Variants in C4orf17 observed in about 807,000 individuals in gnomAD.
The protein encoded by C4orf17 is uncharacterized protein C4orf17.
In C4orf17, 25 loss-of-function variants were observed where a neutral mutation model predicts 32.0. The observed-to-expected ratio is 0.78, with a 90% CI of 0.57 to 1.09. The LOEUF (loss-of-function observed/expected upper bound fraction) is 1.09. C4orf17 is among the 50% of genes least tolerant of loss of function. The pLI, the probability that C4orf17 is intolerant of heterozygous loss-of-function variation, is 0.00. For synonymous variants in C4orf17, 149 were observed against 145.8 expected (o/e 1.02, Z -0.16); for missense variants, 420 against 420.0 (o/e 1.00, Z 0.00).
chr4:99,517,691 G>A (rs1251010479), intron 2 of C4orf17, among the ~76,000 whole-genome samples: 1 of 152,146 alleles, frequency 6.6e-6, no homozygotes, highest in African/African-American at 2.4e-5. Flanking sequence ...GTCCCTCACA[G>A]CTCAGTCCTT....
intron 4 of C4orf17, 147 bp downstream of exon 4, chr4:99,524,732 C>T: frequency 1.8e-6 from 1 of 540,708 alleles, no homozygotes; most frequent in South Asian, 2.8e-5. Context: ...ATAAGATACA[C>T]ATATTCAAAA....
At chr4:99,513,814 G>T (rs1041938011) in intron 2 of C4orf17, among the ~76,000 whole-genome samples, 2 of 152,126 alleles carry the variant, frequency 1.3e-5, no homozygotes, top group African/African-American at 2.4e-5. Context: ...TTGGATTGAA[G>T]AATTTTAAAA....
chr4:99,540,324 C>A, intron 7 of C4orf17, 88 bp from the exon 8 acceptor site: 2 of 885,966 alleles, frequency 2.3e-6, no homozygotes, highest in Non-Finnish European at 3.7e-6. Flanking sequence ...GATACATATA[C>A]ACTGAACTTA....
At chr4:99,523,466 G>A (rs1455622455) in intron 3 of C4orf17, among the ~76,000 whole-genome samples, 1 of 152,150 alleles carries the variant, frequency 6.6e-6, no homozygotes, top group Non-Finnish European at 1.5e-5. Flanking sequence ...GACATATACT[G>A]TTCTAAAGTC....
chr4:99,525,300 G>GT (rs1259147275), intron 4 of C4orf17, among the ~76,000 whole-genome samples: 3 of 151,994 alleles, frequency 2.0e-5, no homozygotes, highest in Non-Finnish European at 4.4e-5. Context: ...CAGTGTATGA[G>GT]TTTTTTTTCC....
chr4:99,539,487 CAGTA>C (rs1411665864), intron 7 of C4orf17, 117 bp downstream of exon 7: 1 of 725,566 alleles, frequency 1.4e-6, no homozygotes, highest in African/African-American at 1.8e-5. Flanking sequence ...CCGCTTTATT[CAGTA>C]AGTGACTGCA....
chr4:99,537,072 C>A (rs375744783), intron 5 of C4orf17, among the ~76,000 whole-genome samples: 2 of 151,986 alleles, frequency 1.3e-5, no homozygotes, highest in Non-Finnish European at 2.9e-5. Flanking sequence ...ACCCAGATGG[C>A]CTTCTTGGGG....
chr4:99,539,159 C>T lies in C4orf17; in HGVS notation c.629-4C>T. 6.2e-7 allele frequency: 1 copy of T among 1,613,036 alleles called. No homozygotes were observed. The highest frequency in any genetic ancestry group is 8.5e-7 in the Non-Finnish European group (1 of 1,179,244). On this transcript the variant is annotated splice_region_variant and splice_polypyrimidine_tract_variant and intron_variant, in intron 6 of 8. Transcript: ENST00000326581. The stretch of plus-strand genomic sequence containing the variant: ...CTCCCACCCTTTTTTGTCTTTTAAA[C>T]CAGAAAAAGAGTGGGTCTCAGCTTT...
intron 1 of C4orf17, among the ~76,000 whole-genome samples, chr4:99,511,887 A>C (rs2110163388): frequency 6.6e-6 from 1 of 152,292 alleles, no homozygotes; most frequent in East Asian, 1.9e-4. Context: ...TAATGTCTAC[A>C]TATATTTTAC....
At chr4:99,539,904 T>G (rs1398894081) in intron 7 of C4orf17, among the ~76,000 whole-genome samples, 2 of 152,052 alleles carry the variant, frequency 1.3e-5, no homozygotes, top group African/African-American at 4.8e-5. Context: ...GCAGGAGAAA[T>G]TTTTCTTAAA....
At chr4:99,525,196 A>G (rs528366483) in intron 4 of C4orf17, among the ~76,000 whole-genome samples, 5 of 152,206 alleles carry the variant, frequency 3.3e-5, no homozygotes, top group Non-Finnish European at 7.3e-5. Context: ...CTATGAGTGA[A>G]ATAACTGTGT....
rs775366940 is a variant in C4orf17, at chr4:99,542,056, G to T, written c.1027G>T (p.Glu343Ter). 4 of 1,614,098 alleles carry T rather than the reference G, an allele frequency of 2.5e-6. No homozygotes were observed. The Admixed American group carries it at 6.7e-5, about 27-fold the overall frequency. The change falls in exon 9 of 9, where the codon GAA becomes TAA. Residue 343 changes from glutamate (E) to a stop codon, truncating the protein, a stop_gained. Transcript: ENST00000326581. LOFTEE classifies it low-confidence loss of function (END_TRUNC). ...ACCAGTGTCAGCAAGGAGTATACAA[G>T]AATACAACCTCTGTCCCCAAAGAGC... ...AKPVSARSIQ[E>*]YNLCPQRACY...
chr4:99,513,064 A>C lies in C4orf17; in HGVS notation c.-18A>C. ...TTTGTGACAACAGTGAAGAGGGGAA[A>C]ATAAACACACCACAAACATGAACCT... On this transcript the variant is annotated 5_prime_UTR_variant, in exon 2 of 9. Coordinates refer to ENST00000326581, the MANE Select transcript of C4orf17 (RefSeq NM_032149.3). 1 of 1,613,424 alleles carries C rather than the reference A, an allele frequency of 6.2e-7. No homozygotes were observed. Among genetic ancestry groups the C allele is most frequent in the Non-Finnish European group, 8.5e-7 (1 of 1,179,650 alleles).
chr4:99,518,544 T>TATAGAGAG (rs1393245676), intron 2 of C4orf17, among the ~76,000 whole-genome samples: 5 of 36,820 alleles, frequency 1.4e-4, no homozygotes, highest in African/African-American at 3.9e-4. Flanking sequence ...TATATATATA[T>TATAGAGAG]AGAGAGAGAG....
intron 1 of C4orf17, among the ~76,000 whole-genome samples, chr4:99,512,231 C>T (rs906696066): frequency 1.3e-5 from 2 of 152,122 alleles, no homozygotes; most frequent in Non-Finnish European, 2.9e-5. Context: ...AGAAAAAATA[C>T]AACAAGCACC....
intron 2 of C4orf17, among the ~76,000 whole-genome samples, chr4:99,515,658 C>G (rs1182348104): frequency 6.6e-6 from 1 of 151,726 alleles, no homozygotes; most frequent in African/African-American, 2.4e-5. Context: ...CACAAGTGTA[C>G]CTATCTATGT....
intron 8 of C4orf17, chr4:99,540,692 C>A (rs1723639075): frequency 2.4e-6 from 1 of 408,840 alleles, no homozygotes; most frequent in Non-Finnish European, 4.4e-6. Context: ...AGCAAGACAG[C>A]AGGACAACAG....
chr4:99,540,420 G>A lies in C4orf17; in HGVS notation c.845G>A (p.Ser282Asn), dbSNP rs916608387. Residue 282 changes from serine to asparagine, a missense_variant, in exon 8 of 9, where the codon AGT becomes AAT. By Grantham distance (46) the Ser-to-Asn change is conservative. Transcript: ENST00000326581. ...TEGDQPTRVS[S>N]QGSEENKEVP... ...TTCTCCAACTGATCTAGAGTGTCAA[G>A]TCAAGGATCTGAAGAAAACAAGGAA... 4 of 1,611,720 alleles carry A rather than the reference G, an allele frequency of 2.5e-6. No individual in the cohort carries two copies. Among genetic ancestry groups the A allele is most frequent in the Admixed American group, 3.3e-5 (2 of 59,920 alleles).
chr4:99,516,338 C>T (rs746381340), intron 2 of C4orf17, among the ~76,000 whole-genome samples: 1 of 152,126 alleles, frequency 6.6e-6, no homozygotes, highest in African/African-American at 2.4e-5. Flanking sequence ...TGCCCACAGT[C>T]CCAAACCTAG....
Sources: gnomAD v4.1 joint callset for allele counts (sites outside exome capture counted in the v4.1 genomes callset) on GRCh38, gnomAD v4.1.1 for gene constraint, MANE v1.5 for transcripts, NCBI Gene and HGNC (gene_info 2026-07-23, HGNC 2026-07-21) for gene names.